SLC9B1: variants seen among roughly 807,000 people sequenced by gnomAD.
The protein encoded by SLC9B1 is sodium/hydrogen exchanger 9B1.
In SLC9B1, 32 loss-of-function variants were observed where a neutral mutation model predicts 51.7. That is an observed-to-expected ratio of 0.62 (90% CI 0.47 to 0.83). The LOEUF (loss-of-function observed/expected upper bound fraction) is 0.83. SLC9B1 is among the 40% of genes least tolerant of loss of function. The pLI, the probability that SLC9B1 is intolerant of heterozygous loss-of-function variation, is 0.00. For missense variants in SLC9B1, 406 were observed against 613.2 expected (o/e 0.66, Z 3.57); for synonymous variants, 145 against 212.7 (o/e 0.68, Z 2.77).
At chr4:102,996,456 T>C (rs1740221950) in intron 1 of SLC9B1, among the ~76,000 whole-genome samples, 1 of 152,202 alleles carries the variant, frequency 6.6e-6, no homozygotes, top group Non-Finnish European at 1.5e-5. Context: ...CCAACCCATG[T>C]AGGAGAATGT....
intron 11 of SLC9B1, chr4:102,890,150 T>C (rs1169430467): frequency 2.0e-5 from 3 of 152,240 alleles, no homozygotes; most frequent in African/African-American, 4.8e-5. Context: ...AGTTGAATTA[T>C]GGAAAGCACC....
chr4:102,950,656 C>T (rs1446634292), intron 3 of SLC9B1, among the ~76,000 whole-genome samples: 2 of 152,158 alleles, frequency 1.3e-5, no homozygotes, highest in African/African-American at 2.4e-5. Context: ...TGATTATTGT[C>T]ATCCTGCAAA....
At chr4:103,008,912 G>A (rs1740943091) in intron 1 of SLC9B1, among the ~76,000 whole-genome samples, 1 of 147,118 alleles carries the variant, frequency 6.8e-6, no homozygotes, top group African/African-American at 2.5e-5. Flanking sequence ...CGATTCTCCT[G>A]CCTCAGTCTC....
chr4:102,991,687 C>G lies in SLC9B1; in HGVS notation c.25G>C (p.Glu9Gln), dbSNP rs1214443038. The G allele has an allele frequency of 4.4e-6, 7 of 1,587,554 alleles. No individual in the cohort carries two copies. The highest frequency in any genetic ancestry group is 8.6e-7 in the Non-Finnish European group (1 of 1,165,120). The stretch of plus-strand genomic sequence containing the variant: ...TGGAAGTTTTCATCCTCCAAATGTT[C>G]ATTTTTTGATTCTGTGGTATGCATG... MHTTESKNEHLEDENFQTS... is the reference protein window; with the variant it reads MHTTESKNQHLEDENFQTS... Residue 9 changes from glutamate to glutamine, a missense_variant, in exon 2 of 12, where the codon GAA (glutamate) becomes CAA (glutamine). Transcript: ENST00000296422.
At chr4:102,919,696 C>A (rs1336578690) in intron 7 of SLC9B1, among the ~76,000 whole-genome samples, 2 of 152,174 alleles carry the variant, frequency 1.3e-5, no homozygotes, top group East Asian at 3.8e-4. Flanking sequence ...ACAGGGCACT[C>A]CTGCCCAAAT....
At chr4:102,933,012 G>A (rs774453577) in intron 6 of SLC9B1, among the ~76,000 whole-genome samples, 2 of 152,182 alleles carry the variant, frequency 1.3e-5, no homozygotes, top group African/African-American at 4.8e-5. Context: ...CTCCTGCTCC[G>A]AATACCTTCT....
intron 3 of SLC9B1, among the ~76,000 whole-genome samples, chr4:102,981,290 A>G (rs951154320): frequency 6.6e-6 from 1 of 152,190 alleles, no homozygotes; most frequent in Admixed American, 6.6e-5. Context: ...ATAATTATCA[A>G]TAAGGTTGCC....
At position 102,989,945 on chromosome 4, in the gene SLC9B1, T is replaced by C. The variant is rs747531642; in HGVS notation, c.70-4A>G. 51 of 1,568,144 alleles carry C rather than the reference T, an allele frequency of 3.3e-5. No individual in the cohort carries two copies. Among genetic ancestry groups the C allele is most frequent in the Non-Finnish European group, 4.2e-5 (48 of 1,154,228 alleles). On this transcript the variant is annotated splice_region_variant and splice_polypyrimidine_tract_variant and intron_variant, in intron 2 of 11. Transcript: ENST00000296422. The stretch of plus-strand genomic sequence containing the variant: ...TATTATTAGGATCAATGAGACTCTG[T>C]AGTAAAACAAGAAAATCTTTAAGGA...
intron 9 of SLC9B1, 39 bp from the exon 10 acceptor site, chr4:102,906,683 C>T: frequency 8.0e-7 from 1 of 1,246,092 alleles, no homozygotes; most frequent in Non-Finnish European, 1.1e-6. Context: ...GATTTTGGCA[C>T]ATAAATATAT....
chr4:102,921,263 T>G (rs1735861389), intron 7 of SLC9B1, among the ~76,000 whole-genome samples: 1 of 152,156 alleles, frequency 6.6e-6, no homozygotes, highest in South Asian at 2.1e-4. Context: ...TATTCAACAC[T>G]CTTAAAGAAA....
At chr4:103,013,910 C>T (rs1741197448) in intron 1 of SLC9B1, among the ~76,000 whole-genome samples, 2 of 152,172 alleles carry the variant, frequency 1.3e-5, no homozygotes, top group African/African-American at 4.8e-5. Context: ...AAGCATTTCC[C>T]CACCTAAACA....
chr4:102,965,851 C>T (rs1173037902), intron 3 of SLC9B1, among the ~76,000 whole-genome samples: 1 of 151,616 alleles, frequency 6.6e-6, no homozygotes, highest in Admixed American at 6.6e-5. Context: ...GGCAGACAGT[C>T]CCATTCCAAA....
At chr4:102,905,424 C>T (rs972657290) in intron 11 of SLC9B1, 90 bp downstream of exon 11, 37 of 1,259,870 alleles carry the variant, frequency 2.9e-5, no homozygotes, top group Non-Finnish European at 7.9e-6. Context: ...GATAATAGCT[C>T]ATATTTTGTG....
chr4:102,976,209 A>G (rs1045693013), intron 3 of SLC9B1, among the ~76,000 whole-genome samples: 2 of 152,114 alleles, frequency 1.3e-5, no homozygotes, highest in African/African-American at 4.8e-5. Context: ...AGTCAGATAA[A>G]CCCCAGCAAT....
At chr4:102,966,673 CA>C in intron 3 of SLC9B1, among the ~76,000 whole-genome samples, 1 of 152,136 alleles carries the variant, frequency 6.6e-6, no homozygotes. Flanking sequence ...AAGGCAACCT[CA>C]AAAATTTCTG....
At chr4:102,982,315 T>C (rs1021113390) in intron 3 of SLC9B1, among the ~76,000 whole-genome samples, 3 of 152,162 alleles carry the variant, frequency 2.0e-5, no homozygotes, top group African/African-American at 7.2e-5. Context: ...AGCTTTACAG[T>C]AAGTCTTGAA....
At position 102,945,192 on chromosome 4, in the gene SLC9B1, C is replaced by A; in HGVS notation, c.653+1G>T. 2 of 1,584,098 alleles carry A rather than the reference C, an allele frequency of 1.3e-6. No homozygotes were observed. Among genetic ancestry groups the A allele is most frequent in the South Asian group, 1.2e-5 (1 of 86,372 alleles). ...ATAAGAAAAAATGAGAAAGAAATTA[C>A]CCTAATAGAAATGCCCATTGCCAGG... On this transcript the variant is annotated splice_donor_variant, in intron 6 of 11. Transcript: ENST00000296422. LOFTEE classifies it high-confidence loss of function.
chr4:102,905,805 T>A (rs1170083459), intron 10 of SLC9B1, among the ~76,000 whole-genome samples, 155 bp from the exon 11 acceptor site: 1 of 152,176 alleles, frequency 6.6e-6, no homozygotes, highest in Non-Finnish European at 1.5e-5. Flanking sequence ...TTATAAAAAA[T>A]GAATATGATG....
chr4:102,995,802 T>C (rs1394357419), intron 1 of SLC9B1, among the ~76,000 whole-genome samples: 1 of 152,178 alleles, frequency 6.6e-6, no homozygotes, highest in African/African-American at 2.4e-5. Context: ...TGAAAAAATA[T>C]ATAATAATGC....
Sources: allele counts gnomAD v4.1 joint callset (sites outside exome capture counted in the v4.1 genomes callset), GRCh38; gene constraint gnomAD v4.1.1; transcripts MANE v1.5; gene names NCBI Gene and HGNC (gene_info 2026-07-23, HGNC 2026-07-21).